NRXN1: variants seen among roughly 807,000 people sequenced by gnomAD.
NRXN1 encodes neurexin-1.
In NRXN1, 39 loss-of-function variants were observed where a neutral mutation model predicts 150.9. The ratio of observed to expected loss-of-function variants is 0.26; its 90% CI spans 0.20 to 0.34. NRXN1 has a LOEUF of 0.34. Among genes scored for constraint, NRXN1 ranks in the 10% least tolerant of loss-of-function variants. The pLI, the probability that NRXN1 is intolerant of heterozygous loss-of-function variation, is 1.00. For missense variants in NRXN1, 1,815 were observed against 1,949.9 expected (o/e 0.93, Z 1.30); for synonymous variants, 924 against 757.0 (o/e 1.22, Z -3.62).
At chr2:49,972,664 A>G (rs151193209) in intron 21 of NRXN1, 184 of 152,314 alleles carry the variant, frequency 1.2e-3, no homozygotes, top group African/African-American at 4.4e-3. Flanking sequence ...ACAAATAGAC[A>G]ACACACCATT....
intron 17 of NRXN1, among the ~76,000 whole-genome samples, chr2:50,452,038 A>C (rs959682870): frequency 2.0e-5 from 3 of 152,236 alleles, no homozygotes; most frequent in Admixed American, 6.5e-5. Context: ...GCATTCGCAA[A>C]ATATTTCAAC....
At chr2:50,222,549 T>C (rs2063978205) in intron 18 of NRXN1, among the ~76,000 whole-genome samples, 2 of 152,000 alleles carry the variant, frequency 1.3e-5, no homozygotes, top group South Asian at 4.1e-4. Context: ...AATATGCTTT[T>C]ACACATGTGA....
intron 18 of NRXN1, among the ~76,000 whole-genome samples, chr2:50,167,907 T>C (rs2059785405): frequency 6.6e-6 from 1 of 152,192 alleles, no homozygotes; most frequent in Non-Finnish European, 1.5e-5. Flanking sequence ...ATGAGTTCAG[T>C]TTATTTCTCC....
intron 18 of NRXN1, among the ~76,000 whole-genome samples, chr2:50,121,120 T>C (rs1574024640): frequency 6.6e-6 from 1 of 152,098 alleles, no homozygotes. Flanking sequence ...TGCCTCCGGG[T>C]TCAAGCGATT....
chr2:50,197,096 G>T (rs2061823755), intron 18 of NRXN1, among the ~76,000 whole-genome samples: 1 of 152,078 alleles, frequency 6.6e-6, no homozygotes, highest in South Asian at 2.1e-4. Context: ...GGGATAATAT[G>T]GACAGAGTCT....
chr2:50,922,950 G>C (rs372655744), intron 3 of NRXN1, among the ~76,000 whole-genome samples: 2 of 151,870 alleles, frequency 1.3e-5, no homozygotes, highest in Non-Finnish European at 2.9e-5. Flanking sequence ...AAGAGCACAA[G>C]AGCATGACTT....
intron 8 of NRXN1, among the ~76,000 whole-genome samples, chr2:50,593,008 C>A (rs1046806075): frequency 6.6e-6 from 1 of 152,188 alleles, no homozygotes; most frequent in Non-Finnish European, 1.5e-5. Flanking sequence ...CTCTAAAAAG[C>A]CCCTGGCATA....
chr2:50,049,602 G>A (rs1458501102), intron 21 of NRXN1, among the ~76,000 whole-genome samples: 12 of 152,084 alleles, frequency 7.9e-5, no homozygotes, highest in South Asian at 2.1e-4. Context: ...CAAAAAGATC[G>A]TAAAATGTGC....
intron 17 of NRXN1, among the ~76,000 whole-genome samples, chr2:50,354,550 C>CATATATAT (rs1420237558): frequency 4.8e-4 from 32 of 66,238 alleles, no homozygotes; most frequent in East Asian, 2.3e-3. Context: ...GTCTAGAGTG[C>CATATATAT]ATACATATAT....
intron 17 of NRXN1, among the ~76,000 whole-genome samples, chr2:50,244,269 C>T (rs1318241888): frequency 6.6e-6 from 1 of 151,780 alleles, no homozygotes; most frequent in East Asian, 1.9e-4. Flanking sequence ...AGATCCATGG[C>T]TGACCTATCT....
intron 17 of NRXN1, among the ~76,000 whole-genome samples, chr2:50,453,846 T>G (rs971846886): frequency 6.6e-6 from 1 of 152,160 alleles, no homozygotes; most frequent in East Asian, 1.9e-4. Context: ...CTTATGTTAT[T>G]GCTGGAAAAA....
At chr2:50,426,187 G>A (rs904587586) in intron 17 of NRXN1, among the ~76,000 whole-genome samples, 5 of 152,152 alleles carry the variant, frequency 3.3e-5, no homozygotes, top group African/African-American at 1.2e-4. Flanking sequence ...TCTTAGTAGA[G>A]AAGCTTAAAA....
intron 17 of NRXN1, among the ~76,000 whole-genome samples, chr2:50,380,764 T>C (rs890059706): frequency 2.0e-5 from 3 of 152,230 alleles, no homozygotes; most frequent in Non-Finnish European, 4.4e-5. Flanking sequence ...GCAGTACTGT[T>C]ACCATAACAA....
At position 50,478,820 on chromosome 2, in the gene NRXN1, T is replaced by C. The variant is rs191201317; in HGVS notation, c.3071-6349A>G. The stretch of plus-strand genomic sequence containing the variant: ...TTGGAAATTCAGTATCATTTTTAAC[T>C]TTATTTTATATCTCACACCTTACAA... On this transcript the variant is annotated intron_variant, in intron 15 of 22. Transcript: ENST00000401669. 7.9e-4 allele frequency among the ~76,000 whole-genome samples: 120 copies of C among 152,334 alleles called. 2 individuals carry two copies. The highest frequency in any genetic ancestry group is 2.7e-3 in the African/African-American group (113 of 41,588).
chr2:50,347,749 A>G lies in NRXN1; in HGVS notation c.3365-110779T>C, dbSNP rs908413286. ...GAAACAGAAAAAGAAAAAGAAAAAG[A>G]AAAAAAGAAAAGAAAAACCACACAC... On this transcript the variant is annotated intron_variant, in intron 17 of 22. Coordinates refer to ENST00000401669, the MANE Select transcript of NRXN1 (RefSeq NM_001330078.2). This position sits in a 1 kb window ranked among gnomAD's most constrained non-coding sequence, Gnocchi z 4.9. 5.1e-6 allele frequency: 5 copies of G among 986,422 alleles called. No individual in the cohort carries two copies. The highest frequency in any genetic ancestry group is 4.8e-6 in the Non-Finnish European group (4 of 830,676). 61.1% of individuals were successfully genotyped at this position (986,422 alleles called of 1,614,324 possible).
At chr2:50,851,378 G>C (rs1674497914) in intron 5 of NRXN1, among the ~76,000 whole-genome samples, 1 of 152,092 alleles carries the variant, frequency 6.6e-6, no homozygotes, top group African/African-American at 2.4e-5. Flanking sequence ...AGGTAAACAA[G>C]AAATATATAA....
intron 15 of NRXN1, among the ~76,000 whole-genome samples, chr2:50,477,905 G>A (rs7595040): frequency 0.89 from 135,564 of 152,178 alleles, 60,660 homozygotes; most frequent in African/African-American, 0.95. Flanking sequence ...TTTGGGTGCA[G>A]CTTTTTCTCC....
chr2:50,724,010 A>G (rs1697007660), intron 5 of NRXN1, among the ~76,000 whole-genome samples: 1 of 152,226 alleles, frequency 6.6e-6, no homozygotes, highest in African/African-American at 2.4e-5. Context: ...TTGGTAGATG[A>G]ATGGAGCATG....
chr2:50,047,761 C>G (rs1030883533), intron 21 of NRXN1, among the ~76,000 whole-genome samples: 2 of 150,454 alleles, frequency 1.3e-5, no homozygotes, highest in Non-Finnish European at 3.0e-5. Flanking sequence ...TATTCGTTTT[C>G]TTGTCTATTG....
Sources: allele counts gnomAD v4.1 joint callset (sites outside exome capture counted in the v4.1 genomes callset), GRCh38; gene constraint gnomAD v4.1.1; non-coding constraint Gnocchi (gnomAD v3.1); transcripts MANE v1.5; gene names NCBI Gene and HGNC (gene_info 2026-07-23, HGNC 2026-07-21).